Variants in HSD17B2 observed in about 807,000 individuals in gnomAD.
HSD17B2 encodes hydroxysteroid 17-beta dehydrogenase 2.
A neutral mutation model predicts 26.9 loss-of-function variants in HSD17B2; 32 were observed. The observed-to-expected ratio is 1.19, with a 90% confidence interval of 0.90 to 1.60. HSD17B2 has a LOEUF of 1.60. Ranked by LOEUF, HSD17B2 falls within the 40% of genes most tolerant of loss-of-function variation. The pLI, the probability that HSD17B2 is intolerant of heterozygous loss-of-function variation, is 0.00. For missense variants in HSD17B2, 613 were observed against 468.6 expected, an observed-to-expected ratio of 1.31 and a Z score of -2.85; for synonymous variants, 246 against 186.7, an observed-to-expected ratio of 1.32 and a Z score of -2.59.
rs757626038 is a variant in HSD17B2, at chr16:82,068,201, C to A, written c.297C>A (p.Cys99Ter). 3 of 1,614,118 alleles carry A rather than the reference C, an allele frequency of 1.9e-6. No homozygotes were observed. Among genetic ancestry groups the A allele is most frequent in the Non-Finnish European group, 2.5e-6 (3 of 1,180,032 alleles). Residue 99 changes from cysteine (C) to a stop codon, truncating the protein, a stop_gained, in exon 2 of 5, where the codon TGC becomes TGA. Transcript: ENST00000199936. LOFTEE classifies it high-confidence loss of function. Reference sequence around the variant, plus strand: ...ATTGCGGGCTTGGCCATGCTTTGTGCAAGTATCTGGATGAGCTGGGCTTCA... The same window carrying A: ...ATTGCGGGCTTGGCCATGCTTTGTGAAAGTATCTGGATGAGCTGGGCTTCA... ...GGDCGLGHALCKYLDELGFTV... is the reference protein window; with the variant it reads ...GGDCGLGHAL
At chr16:82,097,363 A>ATTATATATGTG (rs201358362) in intron 4 of HSD17B2, 24 of 86,548 alleles carry the variant, frequency 2.8e-4, no homozygotes, top group Non-Finnish European at 6.0e-4. Flanking sequence ...ACACACACAC[A>ATTATATATGTG]CACACACACA....
intron 1 of HSD17B2, among the ~76,000 whole-genome samples, chr16:82,042,387 T>C (rs568940492): frequency 4.5e-4 from 69 of 152,174 alleles, no homozygotes; most frequent in African/African-American, 1.4e-3. Context: ...GCCAGAACTA[T>C]CGCACTTGGC....
At chr16:82,093,599 T>C (rs528792763) in intron 4 of HSD17B2, 3 of 152,318 alleles carry the variant, frequency 2.0e-5, no homozygotes, top group Admixed American at 2.0e-4. Flanking sequence ...AATTTTCCCA[T>C]GACACATGCT....
At chr16:82,052,114 T>G (rs1327124234) in intron 1 of HSD17B2, among the ~76,000 whole-genome samples, 1 of 152,186 alleles carries the variant, frequency 6.6e-6, no homozygotes, top group Non-Finnish European at 1.5e-5. Context: ...ATCCGAGATT[T>G]GAGGTCTTGT....
chr16:82,050,876 T>G (rs186120615), intron 1 of HSD17B2, among the ~76,000 whole-genome samples: 87 of 152,310 alleles, frequency 5.7e-4, no homozygotes, highest in African/African-American at 1.9e-3. Context: ...TTCTTTGTCG[T>G]TGGAACTTTT....
chr16:82,057,201 T>C (rs1914294798), intron 1 of HSD17B2, among the ~76,000 whole-genome samples: 1 of 151,034 alleles, frequency 6.6e-6, no homozygotes, highest in Non-Finnish European at 1.5e-5. Flanking sequence ...TCTCTTTTCT[T>C]TTCTTTTTTT....
intron 1 of HSD17B2, among the ~76,000 whole-genome samples, chr16:82,037,462 T>C (rs561779747): frequency 8.5e-5 from 13 of 152,278 alleles, no homozygotes; most frequent in African/African-American, 2.6e-4. Flanking sequence ...ATAACATAGA[T>C]TAGCACGCAT....
chr16:82,089,132 C>A (rs374446201), intron 3 of HSD17B2, among the ~76,000 whole-genome samples: 3 of 152,140 alleles, frequency 2.0e-5, no homozygotes, highest in African/African-American at 7.2e-5. Flanking sequence ...ATGTTCATAG[C>A]ACCCCCACCC....
intron 3 of HSD17B2, among the ~76,000 whole-genome samples, chr16:82,087,186 G>T (rs1267498151): frequency 6.6e-6 from 1 of 152,172 alleles, no homozygotes; most frequent in African/African-American, 2.4e-5. Flanking sequence ...AGTAATGCAA[G>T]AGGAATAAGT....
At chr16:82,036,320 TTGTGTGTG>T (rs10609893) in intron 1 of HSD17B2, among the ~76,000 whole-genome samples, 14,260 of 145,802 alleles carry the variant, frequency 0.098, 829 homozygotes, top group Non-Finnish European at 0.13. Context: ...TTTCCCTTGT[TTGTGTGTG>T]TGTGTGTGTG....
At chr16:82,064,096 A>G (rs1404453313) in intron 1 of HSD17B2, among the ~76,000 whole-genome samples, 4 of 152,204 alleles carry the variant, frequency 2.6e-5, no homozygotes, top group Non-Finnish European at 5.9e-5. Flanking sequence ...GGGCTTGCCT[A>G]AAGTTCAACA....
Position 82,081,738 on chromosome 16 carries a change from C to T in HSD17B2, c.665-9164C>T, listed in dbSNP as rs774410160. Among the ~76,000 whole-genome samples the T allele has an allele frequency of 5.3e-5, 8 of 152,244 alleles. No homozygotes were observed. In the South Asian group the frequency reaches 6.2e-4, roughly 12 times the overall value. On this transcript the variant is annotated intron_variant, in intron 3 of 4. Transcript: ENST00000199936. The stretch of plus-strand genomic sequence containing the variant: ...CTATTTTTATTAATGGACACTGCCC[C>T]GCACTTCTTTATTTTTAAAATTAAT...
At chr16:82,051,115 C>G (rs1045169180) in intron 1 of HSD17B2, among the ~76,000 whole-genome samples, 1 of 152,186 alleles carries the variant, frequency 6.6e-6, no homozygotes, top group East Asian at 1.9e-4. Context: ...CTATTTGTTA[C>G]TTTCATAGAA....
At chr16:82,071,192 A>T in intron 3 of HSD17B2, 65 bp downstream of exon 3, 1 of 1,501,440 alleles carries the variant, frequency 6.7e-7, no homozygotes, top group Non-Finnish European at 9.3e-7. Context: ...ATGGCATTCT[A>T]TGTGGGCGAA....
intron 1 of HSD17B2, among the ~76,000 whole-genome samples, chr16:82,059,027 C>T (rs1185677576): frequency 6.6e-6 from 1 of 152,096 alleles, no homozygotes; most frequent in Non-Finnish European, 1.5e-5. Flanking sequence ...ACCAGACAGC[C>T]CAAGAGAGTC....
intron 1 of HSD17B2, among the ~76,000 whole-genome samples, chr16:82,065,019 C>G (rs890621015): frequency 6.6e-6 from 1 of 152,166 alleles, no homozygotes; most frequent in African/African-American, 2.4e-5. Flanking sequence ...GTCCAATCAG[C>G]CCCAGACAAG....
chr16:82,051,863 A>C (rs886833732), intron 1 of HSD17B2, among the ~76,000 whole-genome samples: 3 of 152,202 alleles, frequency 2.0e-5, no homozygotes, highest in African/African-American at 7.2e-5. Context: ...TAATCTGTAA[A>C]ATGGGGATAC....
intron 1 of HSD17B2, among the ~76,000 whole-genome samples, chr16:82,042,927 T>C (rs1204593697): frequency 2.0e-5 from 3 of 152,226 alleles, no homozygotes; most frequent in African/African-American, 7.2e-5. Flanking sequence ...GGTCTCTTTC[T>C]TATATTTTAA....
intron 1 of HSD17B2, among the ~76,000 whole-genome samples, chr16:82,045,341 T>C (rs1422337302): frequency 6.6e-6 from 1 of 152,026 alleles, no homozygotes; most frequent in African/African-American, 2.4e-5. Flanking sequence ...TAAATGAAGA[T>C]ATTAGACTAC....
Sources: allele counts gnomAD v4.1 joint callset (sites outside exome capture counted in the v4.1 genomes callset), GRCh38; gene constraint gnomAD v4.1.1; transcripts MANE v1.5; gene names NCBI Gene and HGNC (gene_info 2026-07-23, HGNC 2026-07-21).